Variants in ST6GALNAC3 observed in about 807,000 individuals in gnomAD.
The protein encoded by ST6GALNAC3 is alpha-N-acetylgalactosaminide alpha-2,6-sialyltransferase 3.
In ST6GALNAC3, 25 loss-of-function variants were observed where a neutral mutation model predicts 32.7. The observed-to-expected ratio is 0.76, with a 90% confidence interval of 0.56 to 1.07. The LOEUF (loss-of-function observed/expected upper bound fraction) is 1.07. Ranked by LOEUF, ST6GALNAC3 falls within the 50% of genes least tolerant of loss-of-function variation. The pLI is 0.00. For missense variants in ST6GALNAC3, 355 were observed against 382.4 expected (o/e 0.93, Z 0.60); for synonymous variants, 129 against 133.1 (o/e 0.97, Z 0.21).
chr1:76,218,035 A>C (rs981207315), intron 1 of ST6GALNAC3, among the ~76,000 whole-genome samples: 4 of 151,856 alleles, frequency 2.6e-5, no homozygotes, highest in Admixed American at 2.6e-4. Context: ...GATACCCAGG[A>C]GTGGAATTGC....
rs377204855 is a variant in ST6GALNAC3 at position 76,567,089 on chromosome 1, A to G, written c.624-60363A>G. 6.6e-5 allele frequency among the ~76,000 whole-genome samples: 10 copies of G among 152,206 alleles called. No individual in the cohort carries two copies. In the East Asian group the frequency reaches 1.7e-3, roughly 26 times the overall value. ...GGACAGAAAAGAAGGGAGAGAGGAA[A>G]AAAAGGATGTTAATATTTTCTTGTT... On this transcript the variant is annotated intron_variant, in intron 3 of 4. Coordinates refer to ENST00000328299, the MANE Select transcript of ST6GALNAC3 (RefSeq NM_152996.4).
At chr1:76,303,509 C>G (rs6697478) in intron 1 of ST6GALNAC3, among the ~76,000 whole-genome samples, 46,643 of 151,958 alleles carry the variant, frequency 0.31, 8,272 homozygotes, top group Non-Finnish European at 0.4. Flanking sequence ...CGGTACACCC[C>G]TGGTGAGAAT....
chr1:76,317,293 C>T (rs1357848249), intron 2 of ST6GALNAC3, among the ~76,000 whole-genome samples: 2 of 152,114 alleles, frequency 1.3e-5, no homozygotes, highest in Non-Finnish European at 2.9e-5. Flanking sequence ...CTGTAATGTC[C>T]TCAGGCGCAA....
rs548866201 is a variant in ST6GALNAC3, at chr1:76,434,464, A to G, written c.623+22047A>G. 3.3e-5 allele frequency among the ~76,000 whole-genome samples: 5 copies of G among 152,300 alleles called. No individual in the cohort carries two copies. In the East Asian group the frequency reaches 9.6e-4, roughly 29 times the overall value. ...TTATTTGTGCTAAAAGCATTTATTG[A>G]ACAGCTGTGTACTAAAAATCCTGCA... is the stretch of plus-strand genomic sequence containing the variant. On this transcript the variant is annotated intron_variant, in intron 3 of 4. Transcript: ENST00000328299.
At chr1:76,301,675 A>G (rs1020228900) in intron 1 of ST6GALNAC3, among the ~76,000 whole-genome samples, 1 of 151,930 alleles carries the variant, frequency 6.6e-6, no homozygotes, top group Non-Finnish European at 1.5e-5. Context: ...ACTGTTTAAC[A>G]TGCATGTTTC....
intron 3 of ST6GALNAC3, among the ~76,000 whole-genome samples, chr1:76,448,602 C>T (rs1266194475): frequency 1.3e-5 from 2 of 152,084 alleles, no homozygotes; most frequent in Non-Finnish European, 2.9e-5. Flanking sequence ...ATCATGGGTG[C>T]AGGTCTTTCC....
At chr1:76,402,384 C>G (rs923960380) in intron 2 of ST6GALNAC3, among the ~76,000 whole-genome samples, 1 of 152,132 alleles carries the variant, frequency 6.6e-6, no homozygotes, top group Non-Finnish European at 1.5e-5. Flanking sequence ...GCTTCCCTAT[C>G]TTTTCCATTT....
chr1:76,174,856 C>G (rs780657047), intron 1 of ST6GALNAC3, among the ~76,000 whole-genome samples: 9 of 151,902 alleles, frequency 5.9e-5, no homozygotes, highest in Non-Finnish European at 1.0e-4. Flanking sequence ...TTAGTAGATA[C>G]AAGGTTTCTC....
chr1:76,605,436 C>T (rs1470275167), intron 3 of ST6GALNAC3, among the ~76,000 whole-genome samples: 1 of 152,082 alleles, frequency 6.6e-6, no homozygotes, highest in Non-Finnish European at 1.5e-5. Flanking sequence ...AAGAAACTAT[C>T]ATCAGAGCAA....
At chr1:76,531,292 A>T (rs894318662) in intron 3 of ST6GALNAC3, among the ~76,000 whole-genome samples, 11 of 152,214 alleles carry the variant, frequency 7.2e-5, no homozygotes, top group African/African-American at 2.4e-4. Flanking sequence ...TAAATATGGA[A>T]TAACTTCTAA....
rs777416954 is a variant in ST6GALNAC3 at position 76,629,030 on chromosome 1, A to G, written c.*224A>G. 112 of 1,303,742 alleles carry G rather than the reference A, an allele frequency of 8.6e-5. No individual in the cohort carries two copies. Among genetic ancestry groups the G allele is most frequent in the Non-Finnish European group, 1.0e-4 (105 of 1,029,616 alleles). 80.8% of individuals were successfully genotyped at this position (1,303,742 alleles called of 1,614,324 possible). ...ATGTTCTTTCTGGAGGTTCAACACTACGTACCGCACTTTATAATTTAACTG... is the reference window on the plus strand; with the variant it reads ...ATGTTCTTTCTGGAGGTTCAACACTGCGTACCGCACTTTATAATTTAACTG... On this transcript the variant is annotated 3_prime_UTR_variant, in exon 5 of 5. Coordinates refer to ENST00000328299, the MANE Select transcript of ST6GALNAC3 (RefSeq NM_152996.4).
intron 1 of ST6GALNAC3, chr1:76,142,828 T>C (rs748445927): frequency 3.1e-5 from 14 of 452,138 alleles, no homozygotes; most frequent in South Asian, 2.2e-4. Context: ...CCTGCCTTTT[T>C]TTTTTTCTTT....
chr1:76,157,223 T>C (rs1253588321), intron 1 of ST6GALNAC3, among the ~76,000 whole-genome samples: 1 of 152,248 alleles, frequency 6.6e-6, no homozygotes, highest in Non-Finnish European at 1.5e-5. Context: ...ATCTGTATTA[T>C]GCTAAACATG....
intron 2 of ST6GALNAC3, among the ~76,000 whole-genome samples, chr1:76,372,807 C>A (rs1192140920): frequency 6.6e-6 from 1 of 152,096 alleles, no homozygotes; most frequent in Non-Finnish European, 1.5e-5. Context: ...GGGAGTGTTA[C>A]TTCCACACTT....
chr1:76,086,587 C>G (rs1646967534), intron 1 of ST6GALNAC3, among the ~76,000 whole-genome samples: 1 of 152,102 alleles, frequency 6.6e-6, no homozygotes, highest in Non-Finnish European at 1.5e-5. Context: ...GCCTTCATGC[C>G]CCTTCCCAAT....
At chr1:76,267,485 A>AT (rs1235153291) in intron 1 of ST6GALNAC3, among the ~76,000 whole-genome samples, 1 of 152,078 alleles carries the variant, frequency 6.6e-6, no homozygotes, top group Non-Finnish European at 1.5e-5. Flanking sequence ...CTCTCACTGC[A>AT]TTTTTTTACC....
At chr1:76,177,768 C>T (rs779416127) in intron 1 of ST6GALNAC3, among the ~76,000 whole-genome samples, 9 of 152,148 alleles carry the variant, frequency 5.9e-5, no homozygotes, top group Non-Finnish European at 1.0e-4. Context: ...TCGCTGTGTA[C>T]AGAGGGAATG....
At chr1:76,489,305 T>A (rs1041615619) in intron 3 of ST6GALNAC3, among the ~76,000 whole-genome samples, 2 of 152,106 alleles carry the variant, frequency 1.3e-5, no homozygotes, top group African/African-American at 4.8e-5. Flanking sequence ...TGTGTAAAAC[T>A]ATTATGTTCC....
At chr1:76,451,140 G>A (rs940051200) in intron 3 of ST6GALNAC3, among the ~76,000 whole-genome samples, 1 of 152,026 alleles carries the variant, frequency 6.6e-6, no homozygotes, top group Non-Finnish European at 1.5e-5. Context: ...TGCTTTTAGC[G>A]GTATGGTCAT....
Sources: allele counts gnomAD v4.1 joint callset (sites outside exome capture counted in the v4.1 genomes callset), GRCh38; gene constraint gnomAD v4.1.1; transcripts MANE v1.5; gene names NCBI Gene and HGNC (gene_info 2026-07-23, HGNC 2026-07-21).